TSPAN9: variants seen among roughly 807,000 people sequenced by gnomAD.
TSPAN9 encodes the protein tetraspanin 9.
TSPAN9 carries 16 observed loss-of-function variants against 31.0 expected under a neutral mutation model. That is an observed-to-expected ratio of 0.52 (90% confidence interval 0.35 to 0.78). TSPAN9 has a LOEUF of 0.78. Ranked by LOEUF, TSPAN9 falls within the 30% of genes least tolerant of loss-of-function variation. The pLI, the probability that TSPAN9 is intolerant of heterozygous loss-of-function variation, is 0.01. For missense variants in TSPAN9, 272 were observed against 312.5 expected (o/e 0.87, Z 0.98); for synonymous variants, 145 against 121.6 (o/e 1.19, Z -1.27).
chr12:3,113,680 T>C (rs555778044), intron 2 of TSPAN9, among the ~76,000 whole-genome samples: 1 of 152,310 alleles, frequency 6.6e-6, no homozygotes, highest in East Asian at 1.9e-4. Context: ...GACCTGGAGC[T>C]GTGAACCCCG....
At chr12:3,161,545 G>A (rs2098345226) in intron 2 of TSPAN9, among the ~76,000 whole-genome samples, 1 of 152,170 alleles carries the variant, frequency 6.6e-6, no homozygotes. Context: ...CACCTGGGGA[G>A]CAGGAGGTAG....
chr12:3,223,739 A>G (rs558851864), intron 3 of TSPAN9, among the ~76,000 whole-genome samples: 6 of 152,216 alleles, frequency 3.9e-5, no homozygotes, highest in Non-Finnish European at 8.8e-5. Flanking sequence ...GACCGGGACT[A>G]CAAGTGTTTT....
At chr12:3,196,977 G>T (rs1422690612) in intron 2 of TSPAN9, among the ~76,000 whole-genome samples, 2 of 152,180 alleles carry the variant, frequency 1.3e-5, no homozygotes, top group Non-Finnish European at 2.9e-5. Flanking sequence ...CCCTGCGAGG[G>T]CCCTCCGTGA....
chr12:3,140,228 A>G (rs1218546318), intron 2 of TSPAN9, among the ~76,000 whole-genome samples: 1 of 152,140 alleles, frequency 6.6e-6, no homozygotes. Context: ...CCTGGCCCTG[A>G]CATTTTATGT....
chr12:3,138,773 G>A (rs2098333344), intron 2 of TSPAN9, among the ~76,000 whole-genome samples: 1 of 152,112 alleles, frequency 6.6e-6, no homozygotes, highest in Admixed American at 6.5e-5. Flanking sequence ...CATCGCATCC[G>A]GGCTACCCTG....
chr12:3,174,797 T>C (rs1305068543), intron 2 of TSPAN9, among the ~76,000 whole-genome samples: 1 of 149,778 alleles, frequency 6.7e-6, no homozygotes, highest in Admixed American at 6.7e-5. Context: ...TTAGCCAGGA[T>C]GGTCTCGATC....
At chr12:3,230,887 A>G (rs954847309) in intron 3 of TSPAN9, among the ~76,000 whole-genome samples, 11 of 151,956 alleles carry the variant, frequency 7.2e-5, no homozygotes, top group African/African-American at 2.4e-4. Context: ...GGCCTCCTTG[A>G]TCCCCATCTG....
intron 2 of TSPAN9, among the ~76,000 whole-genome samples, chr12:3,132,442 T>A (rs55774749): frequency 6.6e-6 from 1 of 152,090 alleles, no homozygotes; most frequent in African/African-American, 2.4e-5. Context: ...GTTATTTTCC[T>A]TTTTAAAAAA....
chr12:3,134,048 G>T (rs1239645470), intron 2 of TSPAN9, among the ~76,000 whole-genome samples: 1 of 152,174 alleles, frequency 6.6e-6, no homozygotes, highest in African/African-American at 2.4e-5. Flanking sequence ...GTAATGTAAG[G>T]GTTGCCGTCC....
chr12:3,129,736 C>T (rs2098328906), intron 2 of TSPAN9, among the ~76,000 whole-genome samples: 1 of 152,182 alleles, frequency 6.6e-6, no homozygotes, highest in Non-Finnish European at 1.5e-5. Flanking sequence ...AAATTAAGAG[C>T]TCAGCTTCCT....
intron 2 of TSPAN9, among the ~76,000 whole-genome samples, chr12:3,110,838 A>G (rs1307913035): frequency 6.6e-6 from 1 of 152,184 alleles, no homozygotes; most frequent in Non-Finnish European, 1.5e-5. Context: ...GACACTGTTG[A>G]CTTTTTCTTC....
intron 3 of TSPAN9, among the ~76,000 whole-genome samples, chr12:3,277,156 A>G (rs1160659195): frequency 6.6e-6 from 1 of 152,160 alleles, no homozygotes; most frequent in Non-Finnish European, 1.5e-5. Context: ...GAAGGGGATG[A>G]TATTCTCACT....
chr12:3,250,055 C>T (rs1016667537), intron 3 of TSPAN9, among the ~76,000 whole-genome samples: 4 of 152,146 alleles, frequency 2.6e-5, no homozygotes, highest in African/African-American at 9.7e-5. Flanking sequence ...ACCCATCGGG[C>T]ATGGATGGTG....
chr12:3,253,994 G>A (rs902212044), intron 3 of TSPAN9, among the ~76,000 whole-genome samples: 1 of 152,206 alleles, frequency 6.6e-6, no homozygotes, highest in Non-Finnish European at 1.5e-5. Flanking sequence ...GGGAGTGGAG[G>A]GATAAGGATG....
intron 3 of TSPAN9, among the ~76,000 whole-genome samples, chr12:3,225,111 C>G (rs2098386494): frequency 6.6e-6 from 1 of 152,176 alleles, no homozygotes; most frequent in Non-Finnish European, 1.5e-5. Context: ...AATCAATCAT[C>G]CTCGCACCCT....
At chr12:3,116,956 G>T (rs1290337502) in intron 2 of TSPAN9, among the ~76,000 whole-genome samples, 1 of 152,188 alleles carries the variant, frequency 6.6e-6, no homozygotes, top group Non-Finnish European at 1.5e-5. Flanking sequence ...GGCTCTGAGG[G>T]GTAGAGGGAC....
intron 2 of TSPAN9, among the ~76,000 whole-genome samples, chr12:3,089,296 T>C (rs898810319): frequency 1.0e-5 from 1 of 99,264 alleles, no homozygotes; most frequent in African/African-American, 4.0e-5. Context: ...GAATTCAAGG[T>C]GAATTTTTTT....
intron 2 of TSPAN9, among the ~76,000 whole-genome samples, chr12:3,131,128 G>GAAA (rs144013286): frequency 0.39 from 55,051 of 140,192 alleles, 11,041 homozygotes; most frequent in Admixed American, 0.51. Context: ...CCACTTTTGG[G>GAAA]GAAAAAAAAA....
At chr12:3,274,949 A>G (rs1862756570) in intron 3 of TSPAN9, among the ~76,000 whole-genome samples, 1 of 152,216 alleles carries the variant, frequency 6.6e-6, no homozygotes, top group Admixed American at 6.5e-5. Context: ...GCGCCCCCGT[A>G]GGGTAGGCCG....
Sources: gnomAD v4.1 joint callset for allele counts (sites outside exome capture counted in the v4.1 genomes callset) on GRCh38, gnomAD v4.1.1 for gene constraint, MANE v1.5 for transcripts, NCBI Gene and HGNC (gene_info 2026-07-23, HGNC 2026-07-21) for gene names.